HDAC9: variants seen among roughly 807,000 people sequenced by gnomAD.
HDAC9 encodes histone deacetylase 9, also known as MEF-2 interacting transcription repressor (MITR) protein.
Under a neutral mutation model 139.4 loss-of-function variants are expected in HDAC9, and 41 were observed. That is an observed-to-expected ratio of 0.29 (90% confidence interval 0.23 to 0.38). The LOEUF is 0.38. Ranked by LOEUF, HDAC9 falls within the 10% of genes least tolerant of loss-of-function variation. The pLI, the probability that HDAC9 is intolerant of heterozygous loss-of-function variation, is 1.00. For missense variants in HDAC9, 1,147 were observed against 1,297.0 expected (o/e 0.88, Z 1.78); for synonymous variants, 517 against 476.2 (o/e 1.09, Z -1.12).
chr7:18,920,863 A>G (rs1264694811), intron 22 of HDAC9, among the ~76,000 whole-genome samples: 3 of 152,106 alleles, frequency 2.0e-5, no homozygotes, highest in Non-Finnish European at 2.9e-5. Flanking sequence ...CATGGTGGAT[A>G]AGCTTTTTGA....
chr7:18,141,787 G>A (rs764041025), intron 1 of HDAC9, among the ~76,000 whole-genome samples: 61 of 151,846 alleles, frequency 4.0e-4, no homozygotes, highest in Non-Finnish European at 6.9e-4. Flanking sequence ...TCTTGGCCCT[G>A]CTGTCAATAA....
At chr7:18,848,440 T>C (rs1288831940) in intron 21 of HDAC9, among the ~76,000 whole-genome samples, 1 of 151,976 alleles carries the variant, frequency 6.6e-6, no homozygotes, top group African/African-American at 2.4e-5. Flanking sequence ...ATCTTGAGGG[T>C]AGGTGCCCTT....
At chr7:18,296,344 T>A (rs2915398) in intron 1 of HDAC9, among the ~76,000 whole-genome samples, 97,492 of 151,890 alleles carry the variant, frequency 0.64, 32,837 homozygotes, top group African/African-American at 0.86. Context: ...TAATTTTCTT[T>A]AAACCTGTAA....
rs151175316 is a variant in HDAC9 at position 18,408,680 on chromosome 7, C to T, written c.-41-87582C>T. On this transcript the variant is annotated intron_variant, in intron 1 of 3. Transcript: ENST00000413509. ...ATCCTATCGGAATGTCCTTAGTAAC[C>T]ATCACCATTGTTACAGAAAAGAATT... Among the ~76,000 whole-genome samples the T allele has an allele frequency of 7.9e-5, 12 of 152,280 alleles. No individual in the cohort carries two copies. The East Asian group carries it at 2.3e-3, about 29-fold the overall frequency.
rs748752581 is a variant in HDAC9 at position 18,829,500 on chromosome 7, A to G, written c.2418A>G (p.Lys806=). Residue 806 remains lysine, a synonymous_variant, in exon 19 of 26, where the codon AAA becomes AAG. Transcript: ENST00000686413. ...CFFNSVAITA[K]YLRDQLNISK... ...TTAATTCAGTTGCAATTACCGCCAAATACTTGAGAGACCAACTAAATATAA... is the reference window on the plus strand; with the variant it reads ...TTAATTCAGTTGCAATTACCGCCAAGTACTTGAGAGACCAACTAAATATAA... 10 of 1,612,820 alleles carry G rather than the reference A, an allele frequency of 6.2e-6. No homozygotes were observed. The African/African-American group carries it at 1.3e-4, about 22-fold the overall frequency.
intron 22 of HDAC9, among the ~76,000 whole-genome samples, chr7:18,928,511 C>T (rs181024680): frequency 6.6e-5 from 10 of 152,280 alleles, no homozygotes; most frequent in Admixed American, 6.5e-4. Flanking sequence ...CACTAACATA[C>T]ATTGGTCACT....
chr7:18,245,506 T>C (rs373420305), intron 2 of HDAC9, among the ~76,000 whole-genome samples: 2 of 152,084 alleles, frequency 1.3e-5, no homozygotes, highest in African/African-American at 4.8e-5. Context: ...GAGAATGGCA[T>C]GAACCCGGAC....
At chr7:18,241,855 A>G (rs536417254) in intron 2 of HDAC9, among the ~76,000 whole-genome samples, 2 of 152,224 alleles carry the variant, frequency 1.3e-5, no homozygotes, top group Non-Finnish European at 2.9e-5. Flanking sequence ...TCACTTTTAA[A>G]TATATGCCAC....
intron 1 of HDAC9, among the ~76,000 whole-genome samples, chr7:18,323,688 C>T (rs1341814177): frequency 1.3e-5 from 2 of 152,114 alleles, no homozygotes; most frequent in African/African-American, 4.8e-5. Flanking sequence ...GACACCTGAC[C>T]AGGGACACCC....
intron 24 of HDAC9, among the ~76,000 whole-genome samples, chr7:18,960,890 G>C (rs1042762729): frequency 3.3e-5 from 5 of 152,004 alleles, no homozygotes; most frequent in African/African-American, 1.2e-4. Context: ...TCTCTTGTTG[G>C]GGGGTGGGGG....
At chr7:18,435,057 G>A (rs1791047923) in intron 1 of HDAC9, among the ~76,000 whole-genome samples, 1 of 17,284 alleles carries the variant, frequency 5.8e-5, no homozygotes. Flanking sequence ...ATACTACACA[G>A]CCAAAAAAAA....
intron 2 of HDAC9, among the ~76,000 whole-genome samples, chr7:18,271,102 C>T (rs1298474955): frequency 6.6e-6 from 1 of 152,080 alleles, no homozygotes; most frequent in Non-Finnish European, 1.5e-5. Flanking sequence ...GCAAACATTG[C>T]AGTGTAATAT....
Position 18,569,886 on chromosome 7 carries a change from C to G in HDAC9, c.23-15395C>G, listed in dbSNP as rs10268544. Among the ~76,000 whole-genome samples, 372 of 152,076 alleles carry G rather than the reference C, an allele frequency of 2.4e-3. 1 individual carries two copies. The highest frequency in any genetic ancestry group is 8.8e-3 in the African/African-American group (364 of 41,490). ...AAAAACTGAAGGAAAAAAAATAGAC[C>G]ATCACAGTCTATCTTTTCAAATCTT... On this transcript the variant is annotated intron_variant, in intron 2 of 25. Transcript: ENST00000686413.
At chr7:18,354,961 AGC>A (rs1357438479) in intron 1 of HDAC9, among the ~76,000 whole-genome samples, 2 of 151,728 alleles carry the variant, frequency 1.3e-5, no homozygotes, top group Non-Finnish European at 3.0e-5. Context: ...GGTCTTGAAG[AGC>A]CATAGAGGAT....
chr7:18,857,449 G>T (rs1326327581), intron 21 of HDAC9, among the ~76,000 whole-genome samples: 2 of 151,720 alleles, frequency 1.3e-5, no homozygotes, highest in South Asian at 2.1e-4. Context: ...TGTTTAAACA[G>T]CCAATTAAAA....
intron 8 of HDAC9, among the ~76,000 whole-genome samples, chr7:18,643,048 T>C (rs903341269): frequency 1.3e-5 from 2 of 152,280 alleles, no homozygotes; most frequent in South Asian, 2.1e-4. Context: ...TATCCTTTTA[T>C]TTTAAATTAC....
intron 24 of HDAC9, among the ~76,000 whole-genome samples, chr7:18,961,906 T>G (rs1256832583): frequency 6.6e-6 from 1 of 152,148 alleles, no homozygotes; most frequent in Non-Finnish European, 1.5e-5. Context: ...ATAAGTTCAT[T>G]CCTTTTGCAA....
At chr7:18,727,956 C>T (rs1186361277) in intron 13 of HDAC9, among the ~76,000 whole-genome samples, 199 bp downstream of exon 13, 1 of 152,172 alleles carries the variant, frequency 6.6e-6, no homozygotes, top group Non-Finnish European at 1.5e-5. Context: ...CTAATAGCCT[C>T]ATAAATTGCT....
chr7:18,806,301 G>A (rs990265597), intron 17 of HDAC9, among the ~76,000 whole-genome samples: 6 of 152,144 alleles, frequency 3.9e-5, no homozygotes, highest in African/African-American at 1.4e-4. Flanking sequence ...GAAGTCTTTT[G>A]ACAGGACTCA....
Sources: allele counts gnomAD v4.1 joint callset (sites outside exome capture counted in the v4.1 genomes callset), GRCh38; gene constraint gnomAD v4.1.1; transcripts MANE v1.5; gene names NCBI Gene and HGNC (gene_info 2026-07-23, HGNC 2026-07-21).